The following TNRC18 variants were observed in gnomAD, a reference collection of about 807,000 sequenced individuals.
TNRC18 encodes the protein trinucleotide repeat-containing gene 18 protein.
Under a neutral mutation model 226.7 loss-of-function variants are expected in TNRC18, and 69 were observed. The observed-to-expected ratio is 0.30, with a 90% CI of 0.25 to 0.37. The LOEUF (loss-of-function observed/expected upper bound fraction) is 0.37, where lower values mean the gene tolerates loss of function less well. Among genes scored for constraint, TNRC18 ranks in the 10% least tolerant of loss-of-function variants. TNRC18 has a pLI of 1.00. For missense variants in TNRC18, 4,754 were observed against 4,256.6 expected, an observed-to-expected ratio of 1.12 and a Z score of -3.25; for synonymous variants, 2,449 against 1,927.6, an observed-to-expected ratio of 1.27 and a Z score of -7.09.
chr7:5,325,724 ATTT>A (rs66514806), intron 19 of TNRC18: 10,642 of 62,796 alleles, frequency 0.17, 881 homozygotes, highest in East Asian at 0.52. Flanking sequence ...GCGCCCTGCA[ATTT>A]TTTTTTTTTT....
chr7:5,381,427 C>A (rs1316682947), intron 5 of TNRC18, among the ~76,000 whole-genome samples: 1 of 152,090 alleles, frequency 6.6e-6, no homozygotes, highest in Non-Finnish European at 1.5e-5. Context: ...ACCACCTGGA[C>A]CTCCACCATC....
intron 17 of TNRC18, among the ~76,000 whole-genome samples, chr7:5,347,312 C>T (rs572549564): frequency 2.0e-5 from 3 of 150,618 alleles, no homozygotes; most frequent in East Asian, 2.0e-4. Context: ...CTCAGCCTCT[C>T]GAGTAGTGGG....
intron 5 of TNRC18, among the ~76,000 whole-genome samples, chr7:5,382,227 G>A (rs560341231): frequency 3.4e-4 from 52 of 152,118 alleles, no homozygotes; most frequent in East Asian, 1.9e-4. Flanking sequence ...CGTCCAAGTC[G>A]GCCCTGCTGA....
intron 2 of TNRC18, among the ~76,000 whole-genome samples, chr7:5,413,195 A>G (rs1214156141): frequency 6.6e-6 from 1 of 152,150 alleles, no homozygotes; most frequent in African/African-American, 2.4e-5. Context: ...GCTACAGTAC[A>G]TGAGAGGGTG....
At chr7:5,360,872 C>T (rs944700091) in intron 14 of TNRC18, among the ~76,000 whole-genome samples, 29 of 152,144 alleles carry the variant, frequency 1.9e-4, no homozygotes, top group African/African-American at 6.3e-4. Context: ...CTGTGCCCTC[C>T]GAAGGTCCCC....
At position 5,389,326 on chromosome 7, in the gene TNRC18, G is replaced by A; in HGVS notation, c.498C>T (p.Tyr166=). The change falls in exon 5 of 30, where the codon TAC becomes TAT. Residue 166 remains tyrosine (Y), a synonymous_variant. Coordinates refer to ENST00000430969, the MANE Select transcript of TNRC18 (RefSeq NM_001080495.3). ...AGCCCGGAGCCCCCGCGGTGGGCAG[G>A]TAGAAACCGTCTGCGGAGAAGGGAA... ...KGQGPGGDGF[Y]LPTAGAPGSL... 1 of 1,280,592 alleles carries A rather than the reference G, an allele frequency of 7.8e-7. No homozygotes were observed. The highest frequency in any genetic ancestry group is 9.9e-7 in the Non-Finnish European group (1 of 1,013,978). 79.3% of individuals were successfully genotyped at this position (1,280,592 alleles called of 1,614,324 possible).
At position 5,333,008 on chromosome 7, in the gene TNRC18, C is replaced by A; in HGVS notation, c.5761G>T (p.Val1921Leu). 6.3e-7 allele frequency: 1 copy of A among 1,577,950 alleles called. No individual in the cohort carries two copies. The highest frequency in any genetic ancestry group is 8.5e-7 in the Non-Finnish European group (1 of 1,170,272). The stretch of plus-strand genomic sequence containing the variant: ...AGCCCCGCAGGCGACCGCTTGCGCA[C>A]CTTGACCTCGCTCTCTGAGTCGGTG... ...EYTDSESEVK[V>L]RKRSPAGLLR... Residue 1921 changes from valine to leucine, a missense_variant, in exon 19 of 30, where the codon GTG (valine) becomes TTG (leucine). Transcript: ENST00000430969.
At position 5,322,478 on chromosome 7, in the gene TNRC18, G is replaced by C. The variant is rs563318079; in HGVS notation, c.6443-1288C>G. ...CATGCCTGGCTAATTATTTTTTGTA[G>C]AGACAGGGTCCACTATGTTGCCCAA... is the stretch of plus-strand genomic sequence containing the variant. On this transcript the variant is annotated intron_variant, in intron 21 of 29. Transcript: ENST00000430969. Among the ~76,000 whole-genome samples the C allele has an allele frequency of 1.9e-3, 291 of 152,196 alleles. 2 individuals carry two copies. Among genetic ancestry groups the C allele is most frequent in the African/African-American group, 6.4e-3 (267 of 41,548 alleles).
At chr7:5,363,030 A>T (rs578010179) in intron 11 of TNRC18, among the ~76,000 whole-genome samples, 1 of 152,358 alleles carries the variant, frequency 6.6e-6, no homozygotes, top group South Asian at 2.1e-4. Flanking sequence ...ATGGTGGCTC[A>T]CGCCTGTAAT....
At chr7:5,392,426 C>T (rs996582214) in intron 3 of TNRC18, among the ~76,000 whole-genome samples, 1 of 151,536 alleles carries the variant, frequency 6.6e-6, no homozygotes, top group African/African-American at 2.4e-5. Flanking sequence ...TCAGCCTGAC[C>T]AACATGGTAA....
chr7:5,373,694 G>A (rs976413590), intron 10 of TNRC18, among the ~76,000 whole-genome samples: 1 of 152,186 alleles, frequency 6.6e-6, no homozygotes, highest in Non-Finnish European at 1.5e-5. Context: ...AGAACGGGGG[G>A]AAAGCTGCCC....
At chr7:5,387,532 A>G (rs1443383422) in intron 5 of TNRC18, 140 bp downstream of exon 5, 2 of 1,238,224 alleles carry the variant, frequency 1.6e-6, no homozygotes. Flanking sequence ...TGCTCGCAAC[A>G]GAACATTCAA....
rs762354283 is a variant in TNRC18, at chr7:5,309,389, C to G, written c.8389-21G>C. ...CGCCGCTGCAAGGACACGTGTGTCA[C>G]GGCACAGGCCCTGGCCCAGCCCCAA... On this transcript the variant is annotated intron_variant, in intron 27 of 29. Transcript: ENST00000430969. This position sits in a 1 kb window ranked among gnomAD's most constrained non-coding sequence, Gnocchi z 5.7. 1 of 1,586,404 alleles carries G rather than the reference C, an allele frequency of 6.3e-7. No homozygotes were observed. Among genetic ancestry groups the G allele is most frequent in the South Asian group, 1.1e-5 (1 of 87,408 alleles).
chr7:5,313,312 G>C lies in TNRC18; in HGVS notation c.7579C>G (p.Gln2527Glu), dbSNP rs1387810390. The C allele has an allele frequency of 1.3e-6, 2 of 1,549,244 alleles. No individual in the cohort carries two copies. The highest frequency in any genetic ancestry group is 1.4e-5 in the African/African-American group (1 of 73,032). The change falls in exon 27 of 30, where the codon CAG becomes GAG. Residue 2527 changes from glutamine to glutamate, a missense_variant. Transcript: ENST00000430969. ...WPKATDGDLAQEPGPGLTFED... is the reference protein window; with the variant it reads ...WPKATDGDLAEEPGPGLTFED... ...AACGTGAGCCCCGGCCCGGGCTCCTGGGCGAGGTCCCCGTCGGTGGCCTTG... is the reference window on the plus strand; with the variant it reads ...AACGTGAGCCCCGGCCCGGGCTCCTCGGCGAGGTCCCCGTCGGTGGCCTTG...
intron 11 of TNRC18, among the ~76,000 whole-genome samples, chr7:5,368,820 G>A (rs1045962224): frequency 6.6e-5 from 10 of 152,066 alleles, no homozygotes; most frequent in Admixed American, 6.6e-4. Flanking sequence ...TCTCTTCAAC[G>A]GGTGTTGCCC....
chr7:5,341,503 C>A (rs1790682148), intron 18 of TNRC18, among the ~76,000 whole-genome samples: 3 of 151,762 alleles, frequency 2.0e-5, no homozygotes, highest in Admixed American at 1.3e-4. Flanking sequence ...GTGGCTCACA[C>A]CTGTAATCCC....
intron 2 of TNRC18, among the ~76,000 whole-genome samples, chr7:5,397,080 C>T (rs1462327723): frequency 6.6e-6 from 1 of 152,076 alleles, no homozygotes; most frequent in East Asian, 1.9e-4. Context: ...ACCCCGTGTC[C>T]GGCCCCCAAC....
At chr7:5,412,522 G>T (rs1584116601) in intron 2 of TNRC18, among the ~76,000 whole-genome samples, 1 of 151,996 alleles carries the variant, frequency 6.6e-6, no homozygotes, top group South Asian at 2.1e-4. Context: ...GTTGCAGTGG[G>T]CTGAGATCGC....
intron 2 of TNRC18, among the ~76,000 whole-genome samples, chr7:5,413,895 G>T (rs1436142610): frequency 6.6e-6 from 1 of 152,124 alleles, no homozygotes; most frequent in Non-Finnish European, 1.5e-5. Context: ...GTTTGAAATA[G>T]TACAATGAAT....
Sources: allele counts gnomAD v4.1 joint callset (sites outside exome capture counted in the v4.1 genomes callset), GRCh38; gene constraint gnomAD v4.1.1; non-coding constraint Gnocchi (gnomAD v3.1); transcripts MANE v1.5; gene names NCBI Gene and HGNC (gene_info 2026-07-23, HGNC 2026-07-21).